The following MEF2A variants were observed in gnomAD, a reference collection of about 807,000 sequenced individuals.
The protein encoded by MEF2A is myocyte-specific enhancer factor 2A.
In MEF2A, 28 loss-of-function variants were observed where a neutral mutation model predicts 55.8. The observed-to-expected ratio is 0.50, with a 90% CI of 0.37 to 0.69. The LOEUF is 0.69. Among genes scored for constraint, MEF2A ranks in the 30% least tolerant of loss-of-function variants. The pLI, the probability that MEF2A is intolerant of heterozygous loss-of-function variation, is 0.00. For missense variants in MEF2A, 528 were observed against 626.2 expected, an observed-to-expected ratio of 0.84 and a Z score of 1.67; for synonymous variants, 239 against 227.1, an observed-to-expected ratio of 1.05 and a Z score of -0.47.
At chr15:99,694,127 C>T (rs2056021441) in intron 8 of MEF2A, among the ~76,000 whole-genome samples, 1 of 152,194 alleles carries the variant, frequency 6.6e-6, no homozygotes. Flanking sequence ...TCTTTAGCCT[C>T]CTCTTGACTG....
intron 1 of MEF2A, among the ~76,000 whole-genome samples, chr15:99,569,778 T>C (rs1961313626): frequency 6.6e-6 from 1 of 152,112 alleles, no homozygotes; most frequent in African/African-American, 2.4e-5. Flanking sequence ...TTGAAGGTTA[T>C]TTTAATATTT....
rs539492180 is a variant in MEF2A at position 99,607,583 on chromosome 15, C to T, written c.-143+9072C>T. Reference sequence around the variant, plus strand: ...AATTATTTGTAAAACATTTTTTCCCCCAGTAGTTATGACATCCTGAGAAGT... The same window carrying T: ...AATTATTTGTAAAACATTTTTTCCCTCAGTAGTTATGACATCCTGAGAAGT... On this transcript the variant is annotated intron_variant, in intron 2 of 11. Coordinates refer to ENST00000557942, the MANE Select transcript of MEF2A (RefSeq NM_001319206.4). 5.5e-4 allele frequency among the ~76,000 whole-genome samples: 83 copies of T among 151,970 alleles called. No individual in the cohort carries two copies. The Middle Eastern group carries it at 0.01, about 19-fold the overall frequency.
intron 1 of MEF2A, among the ~76,000 whole-genome samples, chr15:99,593,453 C>T (rs1299201083): frequency 6.6e-6 from 1 of 152,146 alleles, no homozygotes; most frequent in Non-Finnish European, 1.5e-5. Context: ...GTTACTACAT[C>T]ATGCCTGGTA....
intron 7 of MEF2A, among the ~76,000 whole-genome samples, chr15:99,676,998 G>A (rs1489294625): frequency 6.6e-6 from 1 of 152,018 alleles, no homozygotes; most frequent in East Asian, 1.9e-4. Context: ...GCAAGTGCCT[G>A]TAATCCCAGC....
chr15:99,669,798 G>A (rs933715067), intron 4 of MEF2A, among the ~76,000 whole-genome samples: 2 of 152,006 alleles, frequency 1.3e-5, no homozygotes, highest in Non-Finnish European at 2.9e-5. Context: ...CAAGAAAAAA[G>A]GAGTAAAATA....
At chr15:99,602,653 G>GGGGTGTGTGTGT (rs1555454713) in intron 2 of MEF2A, among the ~76,000 whole-genome samples, 31 of 44,870 alleles carry the variant, frequency 6.9e-4, no homozygotes, top group East Asian at 5.2e-3. Flanking sequence ...ACATTCCTGG[G>GGGGTGTGTGTGT]GTGTGTGTGT....
chr15:99,580,813 A>T (rs930988167), intron 1 of MEF2A, among the ~76,000 whole-genome samples: 3 of 152,198 alleles, frequency 2.0e-5, no homozygotes, highest in African/African-American at 7.2e-5. Flanking sequence ...GGTAGATGTT[A>T]GCTTTTTGAA....
chr15:99,669,325 G>A lies in MEF2A; in HGVS notation c.259-1998G>A, dbSNP rs553660471. 1.1e-4 allele frequency among the ~76,000 whole-genome samples: 16 copies of A among 152,264 alleles called. No homozygotes were observed. In the South Asian group the frequency reaches 3.1e-3, roughly 30 times the overall value. ...ACTTTATGATAAGATCTGTGTGTAG[G>A]CACCTACTATATTTGTTCTGTTTCT... On this transcript the variant is annotated intron_variant, in intron 4 of 11. Transcript: ENST00000557942.
chr15:99,697,162 A>G (rs1490973171), intron 8 of MEF2A, among the ~76,000 whole-genome samples: 1 of 152,318 alleles, frequency 6.6e-6, no homozygotes. Flanking sequence ...TCAGTCTTCT[A>G]GCATTTGGAG....
At chr15:99,665,502 C>T (rs914060427) in intron 4 of MEF2A, among the ~76,000 whole-genome samples, 6 of 151,864 alleles carry the variant, frequency 4.0e-5, no homozygotes, top group Non-Finnish European at 7.4e-5. Flanking sequence ...TAAGTAGTAC[C>T]GTTCAGGACA....
intron 4 of MEF2A, among the ~76,000 whole-genome samples, chr15:99,662,774 G>A (rs764966491): frequency 2.6e-5 from 4 of 152,118 alleles, no homozygotes; most frequent in African/African-American, 7.2e-5. Context: ...CACCGCGCCC[G>A]GCCCAAGCCA....
chr15:99,680,372 C>T (rs2053006906), intron 7 of MEF2A, among the ~76,000 whole-genome samples: 1 of 152,144 alleles, frequency 6.6e-6, no homozygotes, highest in Non-Finnish European at 1.5e-5. Flanking sequence ...CTCTTACTTA[C>T]TAATTCCCAA....
At chr15:99,598,196 A>G (rs949886986) in intron 1 of MEF2A, among the ~76,000 whole-genome samples, 5 of 152,224 alleles carry the variant, frequency 3.3e-5, no homozygotes, top group Non-Finnish European at 7.3e-5. Flanking sequence ...ATTACTGAAC[A>G]TTTGAGTAAT....
chr15:99,667,134 C>T (rs2049941429), intron 4 of MEF2A, among the ~76,000 whole-genome samples: 1 of 152,196 alleles, frequency 6.6e-6, no homozygotes, highest in South Asian at 2.1e-4. Flanking sequence ...GGAATCTCTT[C>T]CTGAGTTTAG....
At chr15:99,576,092 A>G (rs1396887142) in intron 1 of MEF2A, among the ~76,000 whole-genome samples, 1 of 152,070 alleles carries the variant, frequency 6.6e-6, no homozygotes, top group African/African-American at 2.4e-5. Flanking sequence ...GTTTTCCTTT[A>G]TTGGGTAAGA....
At chr15:99,652,257 T>A (rs2046974363) in intron 4 of MEF2A, among the ~76,000 whole-genome samples, 1 of 152,124 alleles carries the variant, frequency 6.6e-6, no homozygotes, top group African/African-American at 2.4e-5. Context: ...CCTCAGATCA[T>A]CAGGCATTAG....
intron 1 of MEF2A, among the ~76,000 whole-genome samples, chr15:99,579,997 A>G (rs537102819): frequency 1.1e-4 from 16 of 152,144 alleles, no homozygotes; most frequent in Non-Finnish European, 2.2e-4. Flanking sequence ...CCTTTAAATC[A>G]AGAGAATTTT....
intron 9 of MEF2A, among the ~76,000 whole-genome samples, chr15:99,705,014 TA>T (rs2057858715): frequency 2.0e-5 from 3 of 152,202 alleles, no homozygotes; most frequent in African/African-American, 7.2e-5. Context: ...CTTAATCAAT[TA>T]AAAATGCAGA....
chr15:99,689,066 C>A (rs1308804180), intron 7 of MEF2A, among the ~76,000 whole-genome samples: 3 of 152,190 alleles, frequency 2.0e-5, no homozygotes, highest in African/African-American at 4.8e-5. Context: ...TATTTTATAT[C>A]TCAACTAGTA....
Sources: gnomAD v4.1 joint callset for allele counts (sites outside exome capture counted in the v4.1 genomes callset) on GRCh38, gnomAD v4.1.1 for gene constraint, MANE v1.5 for transcripts, NCBI Gene and HGNC (gene_info 2026-07-23, HGNC 2026-07-21) for gene names.